The following AHI1 variants were observed in gnomAD, a reference collection of about 807,000 sequenced individuals.
AHI1 encodes the protein jouberin.
Under a neutral mutation model 149.3 loss-of-function variants are expected in AHI1, and 123 were observed. The ratio of observed to expected loss-of-function variants is 0.82; its 90% confidence interval spans 0.71 to 0.96. The LOEUF (loss-of-function observed/expected upper bound fraction) is 0.96. Ranked by LOEUF, AHI1 falls within the 40% of genes least tolerant of loss-of-function variation. AHI1 has a pLI of 0.00. For synonymous variants in AHI1, 475 were observed against 459.8 expected (o/e 1.03, Z -0.42); for missense variants, 1,439 against 1,422.7 (o/e 1.01, Z -0.18).
At chr6:135,374,175 G>C (rs1480637298) in intron 23 of AHI1, among the ~76,000 whole-genome samples, 1 of 134,290 alleles carries the variant, frequency 7.4e-6, no homozygotes, top group African/African-American at 2.8e-5. Context: ...GTGCAGTGGC[G>C]CAATCTCGGC....
rs969316212 is a variant in AHI1 at position 135,382,187 on chromosome 6, TA to T, written c.3109+12588del. Among the ~76,000 whole-genome samples, 320 of 151,548 alleles carry T rather than the reference TA, an allele frequency of 2.1e-3. 1 individual carries two copies. Among genetic ancestry groups the T allele is most frequent in the African/African-American group, 7.2e-3 (297 of 41,368 alleles). On this transcript the variant is annotated intron_variant, in intron 23 of 28. Transcript: ENST00000265602. ...TAACACAAAAATCTCTTACATTGTT[TA>T]AAAAAAAATGACCAGTCACGCATAT... is the stretch of plus-strand genomic sequence containing the variant.
rs149323434 is a variant in AHI1 at position 135,495,088 on chromosome 6, T to C, written c.-55+726A>G. On this transcript the variant is annotated intron_variant, in intron 3 of 28. Coordinates refer to ENST00000265602, the MANE Select transcript of AHI1 (RefSeq NM_001134831.2). ...GTCTTCCCATCACCCCCAAAGGCAG[T>C]GACATGAGACAGTAACTCTGAGGGA... Among the ~76,000 whole-genome samples, 56 of 150,316 alleles carry C rather than the reference T, an allele frequency of 3.7e-4. 1 individual carries two copies. The East Asian group carries it at 0.011, about 29-fold the overall frequency.
intron 22 of AHI1, among the ~76,000 whole-genome samples, chr6:135,399,713 A>C (rs1477465642): frequency 6.6e-6 from 1 of 151,790 alleles, no homozygotes; most frequent in Non-Finnish European, 1.5e-5. Flanking sequence ...TTAAGTTCAA[A>C]ACTAAACTAA....
chr6:135,463,427 C>G, intron 7 of AHI1, 121 bp from the exon 8 acceptor site: 1 of 796,666 alleles, frequency 1.3e-6, no homozygotes, highest in Middle Eastern at 3.9e-4. Flanking sequence ...CTATTATTGT[C>G]TCTTGAGAGA....
At position 135,447,153 on chromosome 6, in the gene AHI1, G is replaced by T; in HGVS notation, c.1634C>A (p.Pro545Gln). 1 of 1,547,470 alleles carries T rather than the reference G, an allele frequency of 6.5e-7. No individual in the cohort carries two copies. The highest frequency in any genetic ancestry group is 1.3e-5 in the South Asian group (1 of 74,886). Residue 545 changes from proline (P) to glutamine (Q), a missense_variant, in exon 13 of 29, where the codon CCA becomes CAA. Coordinates refer to ENST00000265602, the MANE Select transcript of AHI1 (RefSeq NM_001134831.2). ...AAGAGCCATCATAGAGCGGTAAGAT[G>T]GCTTTATCTAAATATGCATTAAAAT... ...RGLKVPDCIK[P>Q]SYRSMMALQE...
intron 24 of AHI1, among the ~76,000 whole-genome samples, chr6:135,337,986 TAATGAAG>T: frequency 6.6e-6 from 1 of 151,998 alleles, no homozygotes; most frequent in Non-Finnish European, 1.5e-5. Context: ...AGAGAAAGGA[TAATGAAG>T]AAGCATAGTA....
chr6:135,337,458 T>C (rs1005435867), intron 24 of AHI1, among the ~76,000 whole-genome samples: 10 of 152,114 alleles, frequency 6.6e-5, no homozygotes, highest in African/African-American at 2.4e-4. Flanking sequence ...AGAAAGTTAC[T>C]GTGGAAAGGC....
intron 11 of AHI1, among the ~76,000 whole-genome samples, chr6:135,448,846 T>C (rs1021189436): frequency 2.6e-5 from 4 of 152,212 alleles, no homozygotes; most frequent in Non-Finnish European, 5.9e-5. Context: ...AAGACACAAA[T>C]CTTCCATTTG....
chr6:135,382,484 CATTACCAGTA>C (rs1776900358), intron 23 of AHI1, among the ~76,000 whole-genome samples: 3 of 152,142 alleles, frequency 2.0e-5, no homozygotes, highest in Non-Finnish European at 1.5e-5. Flanking sequence ...TTCCAGAAAA[CATTACCAGTA>C]AATTCTATTA....
At chr6:135,442,754 T>C (rs748659454) in intron 13 of AHI1, 40 bp from the exon 14 acceptor site, 6 of 1,547,986 alleles carry the variant, frequency 3.9e-6, no homozygotes, top group South Asian at 1.3e-5. Context: ...TTAGCAAACA[T>C]TAAAACGCGA....
At chr6:135,388,048 C>A (rs1562642095) in intron 23 of AHI1, 1 of 1,613,398 alleles carries the variant, frequency 6.2e-7, no homozygotes, top group South Asian at 1.1e-5. Flanking sequence ...AAAACAAATT[C>A]TTGTCGTTAA....
chr6:135,384,147 T>C (rs1038488583), intron 23 of AHI1, among the ~76,000 whole-genome samples: 5 of 152,218 alleles, frequency 3.3e-5, no homozygotes, highest in African/African-American at 1.2e-4. Flanking sequence ...ATAATACATA[T>C]GTACCACAGA....
At chr6:135,439,340 A>G (rs1387641065) in intron 14 of AHI1, among the ~76,000 whole-genome samples, 1 of 152,252 alleles carries the variant, frequency 6.6e-6, no homozygotes, top group Non-Finnish European at 1.5e-5. Flanking sequence ...CATGTGAATT[A>G]TCCTGTGTTC....
At chr6:135,297,467 C>A (rs1255728285) in intron 27 of AHI1, 2 of 456,156 alleles carry the variant, frequency 4.4e-6, no homozygotes, top group Admixed American at 4.7e-5. Flanking sequence ...ATGCATATTC[C>A]TCCTGCCTTC....
intron 21 of AHI1, among the ~76,000 whole-genome samples, chr6:135,405,880 AAAAAAG>A (rs925330685): frequency 2.5e-4 from 38 of 150,966 alleles, no homozygotes; most frequent in African/African-American, 6.1e-4. Context: ...AAAAAGAAAA[AAAAAAG>A]AAAAAGAAAA....
Position 135,302,776 on chromosome 6 carries a change from G to T in AHI1, c.3427-2218C>A, listed in dbSNP as rs1414573985. ...TTACTCATGGAGGCAGAAGCAGGGG[G>T]AAGAAGGAGGTGTCTCTGTGAGCTG... is the stretch of plus-strand genomic sequence containing the variant. On this transcript the variant is annotated intron_variant, in intron 26 of 28. Coordinates refer to ENST00000265602, the MANE Select transcript of AHI1 (RefSeq NM_001134831.2). 3 of 1,286,332 alleles carry T rather than the reference G, an allele frequency of 2.3e-6. No individual in the cohort carries two copies. The African/African-American group carries it at 4.7e-5, about 20-fold the overall frequency. 79.7% of individuals were successfully genotyped at this position (1,286,332 alleles called of 1,614,324 possible). A position where few individuals can be genotyped will look rare whatever the true frequency, so the allele number is the denominator to read the frequency against.
At chr6:135,409,161 A>G (rs1469208049) in intron 21 of AHI1, among the ~76,000 whole-genome samples, 1 of 152,126 alleles carries the variant, frequency 6.6e-6, no homozygotes, top group Non-Finnish European at 1.5e-5. Flanking sequence ...TTGCATGTTA[A>G]AAGGGCTGTT....
At chr6:135,304,732 C>T (rs1397953953) in intron 26 of AHI1, among the ~76,000 whole-genome samples, 3 of 152,158 alleles carry the variant, frequency 2.0e-5, no homozygotes, top group African/African-American at 7.2e-5. Context: ...GATTGTGCCA[C>T]GGCACTCCAA....
At chr6:135,313,736 T>C (rs944130642) in intron 26 of AHI1, among the ~76,000 whole-genome samples, 1 of 151,138 alleles carries the variant, frequency 6.6e-6, no homozygotes, top group Admixed American at 6.6e-5. Context: ...AAGTAGGAGG[T>C]CCCTATCCAT....
Sources: allele counts gnomAD v4.1 joint callset (sites outside exome capture counted in the v4.1 genomes callset), GRCh38; gene constraint gnomAD v4.1.1; transcripts MANE v1.5; gene names NCBI Gene and HGNC (gene_info 2026-07-23, HGNC 2026-07-21).